Variants in SHROOM3 observed in about 807,000 individuals in gnomAD.
SHROOM3 encodes the protein shroom family member 3.
In SHROOM3, 47 loss-of-function variants were observed where a neutral mutation model predicts 138.6. That is an observed-to-expected ratio of 0.34 (90% confidence interval 0.27 to 0.43). The LOEUF (loss-of-function observed/expected upper bound fraction) is 0.43, where lower values mean the gene tolerates loss of function less well. SHROOM3 is among the 20% of genes least tolerant of loss of function. SHROOM3 has a pLI of 1.00. For synonymous variants in SHROOM3, 1,062 were observed against 1,063.3 expected, an observed-to-expected ratio of 1.00 and a Z score of 0.02; for missense variants, 2,491 against 2,596.5, an observed-to-expected ratio of 0.96 and a Z score of 0.88.
At chr4:76,726,163 T>C (rs1720698603) in intron 3 of SHROOM3, among the ~76,000 whole-genome samples, 1 of 152,196 alleles carries the variant, frequency 6.6e-6, no homozygotes, top group African/African-American at 2.4e-5. Context: ...ATTGCAGTGG[T>C]TGACAGTTTC....
chr4:76,657,502 T>A (rs1379823725), intron 2 of SHROOM3, among the ~76,000 whole-genome samples: 3 of 152,212 alleles, frequency 2.0e-5, no homozygotes, highest in African/African-American at 7.2e-5. Context: ...TCCCTGAATA[T>A]GCCTGCTCAT....
rs185365344 is a variant in SHROOM3, at chr4:76,491,612, C to A, written c.168+55392C>A. ...TACCATGATGTCATGCGAGGAGCTG[C>A]TGCAGCCATTTTGCAGTCTTGAGGG... On this transcript the variant is annotated intron_variant, in intron 1 of 10. Transcript: ENST00000296043. 1.7e-3 allele frequency among the ~76,000 whole-genome samples: 256 copies of A among 152,302 alleles called. 1 individual carries two copies. Among genetic ancestry groups the A allele is most frequent in the African/African-American group, 5.9e-3 (247 of 41,574 alleles).
At chr4:76,732,994 AC>A (rs1178429106) in intron 4 of SHROOM3, among the ~76,000 whole-genome samples, 1 of 152,188 alleles carries the variant, frequency 6.6e-6, no homozygotes, top group African/African-American at 2.4e-5. Context: ...CTGGTACTGA[AC>A]TTGAGGGTGA....
intron 1 of SHROOM3, among the ~76,000 whole-genome samples, chr4:76,552,054 G>A (rs539607540): frequency 0.13 from 18,633 of 145,946 alleles, 1,372 homozygotes; most frequent in East Asian, 0.22. Flanking sequence ...GTAGAGACGG[G>A]GTTTCACCGT....
chr4:76,527,775 G>A (rs1732729821), intron 1 of SHROOM3, among the ~76,000 whole-genome samples: 1 of 152,212 alleles, frequency 6.6e-6, no homozygotes, highest in South Asian at 2.1e-4. Context: ...TCCAAAAACA[G>A]GCAAGTCCTT....
chr4:76,525,326 T>C (rs1229791382), intron 1 of SHROOM3, among the ~76,000 whole-genome samples: 1 of 152,116 alleles, frequency 6.6e-6, no homozygotes, highest in Non-Finnish European at 1.5e-5. Flanking sequence ...TCAGATCTCG[T>C]GAGACTCACT....
At chr4:76,689,840 A>G (rs1159759225) in intron 2 of SHROOM3, 3 of 813,498 alleles carry the variant, frequency 3.7e-6, no homozygotes, top group Non-Finnish European at 4.5e-6. Flanking sequence ...TTTCACGGCC[A>G]GCACCCCGGC....
At chr4:76,586,444 C>G in intron 2 of SHROOM3, 1 of 985,476 alleles carries the variant, frequency 1.0e-6, no homozygotes, top group Non-Finnish European at 1.2e-6. Flanking sequence ...GGACAATGGA[C>G]CTGCCTGGGC....
chr4:76,579,300 C>T (rs1465050000), intron 2 of SHROOM3, among the ~76,000 whole-genome samples: 1 of 151,954 alleles, frequency 6.6e-6, no homozygotes, highest in South Asian at 2.1e-4. Context: ...AACCCTGTCT[C>T]TACTAAAAAT....
intron 3 of SHROOM3, among the ~76,000 whole-genome samples, chr4:76,713,334 A>T (rs916271188): frequency 2.6e-4 from 40 of 151,632 alleles, no homozygotes; most frequent in African/African-American, 8.5e-4. Context: ...TTTTCATTGA[A>T]TTTTTTTTTC....
rs58270392 is a variant in SHROOM3 at position 76,676,944 on chromosome 4, C to CAAAAAAAAAAAAAAAA, written c.324-33204_324-33189dup. ...GGCGACAGAGCGAGACTCCGTCTCA[C>CAAAAAAAAAAAAAAAA]AAAAAAAAAAAAAAAAAAAAAAAGG... On this transcript the variant is annotated intron_variant, in intron 2 of 10. Transcript: ENST00000296043. Among the ~76,000 whole-genome samples, 123 of 79,038 alleles carry CAAAAAAAAAAAAAAAA rather than the reference C, an allele frequency of 1.6e-3. 1 individual carries two copies. Among genetic ancestry groups the CAAAAAAAAAAAAAAAA allele is most frequent in the African/African-American group, 6.7e-3 (117 of 17,586 alleles). The allele number at this position is 79,038 out of a possible 152,430, so 51.9% of individuals were successfully genotyped here.
At chr4:76,549,083 T>A (rs1053447782) in intron 1 of SHROOM3, among the ~76,000 whole-genome samples, 5 of 152,240 alleles carry the variant, frequency 3.3e-5, no homozygotes, top group African/African-American at 9.6e-5. Flanking sequence ...GGCTTGGAGT[T>A]AGAAGAGTCT....
At chr4:76,508,393 A>T (rs1161164522) in intron 1 of SHROOM3, among the ~76,000 whole-genome samples, 1 of 152,162 alleles carries the variant, frequency 6.6e-6, no homozygotes, top group Non-Finnish European at 1.5e-5. Context: ...CTGAACTCAC[A>T]ATTCTATTAT....
rs376457737 is a variant in SHROOM3 at position 76,756,580 on chromosome 4, C to T, written c.4841C>T (p.Pro1614Leu). The change falls in exon 8 of 11, where the codon CCA becomes CTA. Residue 1614 changes from proline (P) to leucine (L), a missense_variant. Coordinates refer to ENST00000296043, the MANE Select transcript of SHROOM3 (RefSeq NM_020859.4). ...AAGGGTTCAGAGGCTGAGTCCACAC[C>T]ACCCTCCTTCATGAGCGTTCACGCC... ...SIKGSEAEST[P>L]PSFMSVHAQL... The T allele has an allele frequency of 2.5e-6, 4 of 1,613,534 alleles. No homozygotes were observed. Among genetic ancestry groups the T allele is most frequent in the African/African-American group, 1.3e-5 (1 of 74,708 alleles).
intron 2 of SHROOM3, among the ~76,000 whole-genome samples, chr4:76,675,730 CCTGTAGT>C (rs1261090036): frequency 6.6e-6 from 1 of 152,130 alleles, no homozygotes; most frequent in Non-Finnish European, 1.5e-5. Context: ...ATGATGTGTG[CCTGTAGT>C]CTCACTTACT....
At chr4:76,451,644 C>T (rs1359478700) in intron 1 of SHROOM3, among the ~76,000 whole-genome samples, 1 of 152,136 alleles carries the variant, frequency 6.6e-6, no homozygotes, top group Non-Finnish European at 1.5e-5. Context: ...TTGTCAAAAA[C>T]TCATTGAACT....
chr4:76,642,087 T>C (rs1457331859), intron 2 of SHROOM3, among the ~76,000 whole-genome samples: 1 of 152,198 alleles, frequency 6.6e-6, no homozygotes, highest in Non-Finnish European at 1.5e-5. Context: ...TCTTTCCTGA[T>C]TGTTTCTATC....
At chr4:76,574,652 G>A (rs1033972175) in intron 2 of SHROOM3, among the ~76,000 whole-genome samples, 1 of 152,096 alleles carries the variant, frequency 6.6e-6, no homozygotes, top group Non-Finnish European at 1.5e-5. Context: ...AAAAGCAAAG[G>A]AAATTCTGAT....
At chr4:76,726,425 G>C (rs1720705959) in intron 3 of SHROOM3, among the ~76,000 whole-genome samples, 2 of 150,478 alleles carry the variant, frequency 1.3e-5, no homozygotes, top group South Asian at 4.2e-4. Context: ...CCAGCCCTCA[G>C]TCCTCTAGTC....
Sources: gnomAD v4.1 joint callset for allele counts (sites outside exome capture counted in the v4.1 genomes callset) on GRCh38, gnomAD v4.1.1 for gene constraint, MANE v1.5 for transcripts, NCBI Gene and HGNC (gene_info 2026-07-23, HGNC 2026-07-21) for gene names.